RPH3A: variants seen among roughly 807,000 people sequenced by gnomAD.
RPH3A encodes rabphilin-3A.
Under a neutral mutation model 102.2 loss-of-function variants are expected in RPH3A, and 48 were observed. The observed-to-expected ratio is 0.47, with a 90% CI of 0.37 to 0.60. The LOEUF is 0.60. RPH3A is among the 20% of genes least tolerant of loss of function. RPH3A has a pLI of 0.00. For missense variants in RPH3A, 781 were observed against 910.1 expected, an observed-to-expected ratio of 0.86 and a Z score of 1.83; for synonymous variants, 310 against 324.3, an observed-to-expected ratio of 0.96 and a Z score of 0.47.
In RPH3A at chr12:112,687,620, T is replaced by C. The variant is rs142317532; in HGVS notation, c.-139-104523T>C. Among the ~76,000 whole-genome samples the C allele has an allele frequency of 6.6e-4, 100 of 152,310 alleles. 2 individuals carry two copies. In the South Asian group the frequency reaches 0.012, roughly 18 times the overall value. Reference sequence around the variant, plus strand: ...AAGGGGGGAAAGGAATAAGCATGTGTAATTAATTTTCCATCCTCCACCCAA... The same window carrying C: ...AAGGGGGGAAAGGAATAAGCATGTGCAATTAATTTTCCATCCTCCACCCAA... On this transcript the variant is annotated intron_variant, in intron 1 of 21. Transcript: ENST00000543106.
At chr12:112,863,962 C>T (rs996352757) in intron 5 of RPH3A, among the ~76,000 whole-genome samples, 1 of 152,232 alleles carries the variant, frequency 6.6e-6, no homozygotes, top group Non-Finnish European at 1.5e-5. Flanking sequence ...GGGAACAGAA[C>T]AGACAAGGTG....
chr12:112,721,982 C>A (rs2040554823), intron 1 of RPH3A, among the ~76,000 whole-genome samples: 1 of 152,154 alleles, frequency 6.6e-6, no homozygotes, highest in South Asian at 2.1e-4. Flanking sequence ...TTTCCCCAAA[C>A]TCTTTTGAGA....
At chr12:112,656,380 C>G (rs1372959528) in intron 1 of RPH3A, among the ~76,000 whole-genome samples, 1 of 152,214 alleles carries the variant, frequency 6.6e-6, no homozygotes, top group Non-Finnish European at 1.5e-5. Context: ...TCACCCCAAG[C>G]CTAAGCAAGG....
chr12:112,815,030 G>A (rs1197188708), intron 2 of RPH3A, among the ~76,000 whole-genome samples: 10 of 152,290 alleles, frequency 6.6e-5, no homozygotes, highest in African/African-American at 2.2e-4. Context: ...AGAAAGGGCC[G>A]GATGGAGAGG....
chr12:112,876,152 C>A (rs2042794527), intron 12 of RPH3A, among the ~76,000 whole-genome samples: 1 of 152,210 alleles, frequency 6.6e-6, no homozygotes, highest in Admixed American at 6.5e-5. Flanking sequence ...TAAGCCCACA[C>A]TGAGCGACAG....
At chr12:112,610,034 C>T (rs2039627008) in intron 1 of RPH3A, among the ~76,000 whole-genome samples, 1 of 152,176 alleles carries the variant, frequency 6.6e-6, no homozygotes, top group Non-Finnish European at 1.5e-5. Context: ...TCTGACCGTG[C>T]CCTGCTCTCC....
At chr12:112,739,963 G>A (rs904282441) in intron 1 of RPH3A, among the ~76,000 whole-genome samples, 2 of 152,002 alleles carry the variant, frequency 1.3e-5, no homozygotes, top group African/African-American at 4.8e-5. Context: ...GCCTTGGGTA[G>A]TAACCACTTT....
intron 2 of RPH3A, among the ~76,000 whole-genome samples, chr12:112,827,445 T>G (rs1278514300): frequency 6.6e-6 from 1 of 152,178 alleles, no homozygotes; most frequent in African/African-American, 2.4e-5. Flanking sequence ...GTTGATCTTC[T>G]CATCAGTTGG....
chr12:112,667,474 T>C (rs1291324098), intron 1 of RPH3A, among the ~76,000 whole-genome samples: 1 of 151,050 alleles, frequency 6.6e-6, no homozygotes, highest in East Asian at 1.9e-4. Context: ...TAATTTGTGA[T>C]TTTTTTTTCT....
chr12:112,854,372 C>T (rs1354255624), intron 5 of RPH3A, among the ~76,000 whole-genome samples: 1 of 152,250 alleles, frequency 6.6e-6, no homozygotes, highest in Non-Finnish European at 1.5e-5. Context: ...TCACAACGGA[C>T]AACTCTTATT....
intron 1 of RPH3A, among the ~76,000 whole-genome samples, chr12:112,691,349 TC>T (rs2040306177): frequency 6.6e-6 from 1 of 151,860 alleles, no homozygotes; most frequent in Non-Finnish European, 1.5e-5. Flanking sequence ...CCCAGAAATC[TC>T]TAGGGGGAGG....
At chr12:112,875,028 C>G in intron 10 of RPH3A, 56 bp from the exon 11 acceptor site, 1 of 1,434,470 alleles carries the variant, frequency 7.0e-7, no homozygotes, top group Non-Finnish European at 9.6e-7. Flanking sequence ...AAGCTCCTTC[C>G]TGCTGTGTGT....
chr12:112,736,123 C>A (rs2040667858), intron 1 of RPH3A, among the ~76,000 whole-genome samples: 1 of 152,186 alleles, frequency 6.6e-6, no homozygotes, highest in Non-Finnish European at 1.5e-5. Flanking sequence ...GGTTTCTCAA[C>A]CTTACCACGT....
chr12:112,684,604 C>A (rs2040250409), intron 1 of RPH3A, among the ~76,000 whole-genome samples: 1 of 152,116 alleles, frequency 6.6e-6, no homozygotes, highest in African/African-American at 2.4e-5. Context: ...ATTAATTCTG[C>A]AAAAGATCAA....
intron 1 of RPH3A, among the ~76,000 whole-genome samples, chr12:112,779,729 TC>T (rs1215255938): frequency 2.0e-5 from 3 of 152,032 alleles, no homozygotes; most frequent in Admixed American, 2.0e-4. Flanking sequence ...TTGAATAATG[TC>T]CCCCTAAAAT....
intron 1 of RPH3A, among the ~76,000 whole-genome samples, chr12:112,621,092 C>T (rs2039719488): frequency 6.6e-6 from 1 of 151,724 alleles, no homozygotes; most frequent in Admixed American, 6.6e-5. Flanking sequence ...ATCCTTGTGC[C>T]TTGGCCTCCA....
At position 112,770,535 on chromosome 12, in the gene RPH3A, G is replaced by A. The variant is rs1470076960; in HGVS notation, c.-139-21608G>A. Among the ~76,000 whole-genome samples the A allele has an allele frequency of 7.9e-5, 12 of 152,152 alleles. No homozygotes were observed. In the South Asian group the frequency reaches 2.3e-3, roughly 29 times the overall value. ...TAATTTTTGTTTTTGGTAGAAATGA[G>A]GTTTTGCCTTGTTGCCCAGGTTAGA... is the stretch of plus-strand genomic sequence containing the variant. On this transcript the variant is annotated intron_variant, in intron 1 of 21. Coordinates refer to the RPH3A transcript ENST00000543106.
At chr12:112,795,958 A>G (rs533894082) in intron 2 of RPH3A, among the ~76,000 whole-genome samples, 2 of 152,298 alleles carry the variant, frequency 1.3e-5, no homozygotes, top group Admixed American at 6.5e-5. Context: ...GAGGAAGGTG[A>G]GTTCTTTGGG....
intron 1 of RPH3A, among the ~76,000 whole-genome samples, chr12:112,624,172 AT>A (rs2039753462): frequency 7.9e-6 from 1 of 126,310 alleles, no homozygotes; most frequent in African/African-American, 3.1e-5. Flanking sequence ...GAGCAAACAC[AT>A]TCAAAAGCTA....
Sources: allele counts gnomAD v4.1 joint callset (sites outside exome capture counted in the v4.1 genomes callset), GRCh38; gene constraint gnomAD v4.1.1; transcripts MANE v1.5; gene names NCBI Gene and HGNC (gene_info 2026-07-23, HGNC 2026-07-21).